ITSN1: variants seen among roughly 807,000 people sequenced by gnomAD.
ITSN1 encodes intersectin-1.
A neutral mutation model predicts 239.8 loss-of-function variants in ITSN1; 58 were observed. The observed-to-expected ratio is 0.24, with a 90% CI of 0.20 to 0.30. The LOEUF is 0.30. Ranked by LOEUF, ITSN1 falls within the 10% of genes least tolerant of loss-of-function variation. The probability of loss-of-function intolerance (pLI) is 1.00; values close to 1 mark genes in which losing one functional copy is unlikely to be tolerated. For synonymous variants in ITSN1, 780 were observed against 770.8 expected (o/e 1.01, Z -0.20); for missense variants, 1,558 against 2,103.3 (o/e 0.74, Z 5.07).
intron 8 of ITSN1, among the ~76,000 whole-genome samples, chr21:33,755,749 A>G (rs1382225765): frequency 6.6e-6 from 1 of 152,186 alleles, no homozygotes; most frequent in African/African-American, 2.4e-5. Context: ...CTGTCTGTTC[A>G]CTAGGTTAGA....
chr21:33,648,998 A>G (rs917675334), intron 1 of ITSN1, among the ~76,000 whole-genome samples: 11 of 152,242 alleles, frequency 7.2e-5, no homozygotes, highest in Admixed American at 6.5e-5. Context: ...GTTTTCCTAA[A>G]GTACCCCTGC....
intron 1 of ITSN1, among the ~76,000 whole-genome samples, chr21:33,659,705 C>CTTTTT (rs71194859): frequency 1.4e-4 from 11 of 76,592 alleles, no homozygotes; most frequent in Admixed American, 3.5e-4. Flanking sequence ...GCAGCCTGTA[C>CTTTTT]TTTTTTTTTT....
chr21:33,751,925 A>G lies in ITSN1; in HGVS notation c.623+19A>G, dbSNP rs201662047. On this transcript the variant is annotated intron_variant, in intron 7 of 39. Coordinates refer to ENST00000381318, the MANE Select transcript of ITSN1 (RefSeq NM_003024.3). ...TGGCCAGGTAAGTTTGCTTGTTTTT[A>G]AATGGGAAGTTTGGTTAAGGCCATT... is the stretch of plus-strand genomic sequence containing the variant. 2.5e-5 allele frequency: 38 copies of G among 1,548,254 alleles called. No homozygotes were observed. The East Asian group carries it at 8.1e-4, about 33-fold the overall frequency.
intron 39 of ITSN1, 96 bp downstream of exon 39, chr21:33,886,556 C>T: frequency 9.0e-7 from 1 of 1,116,576 alleles, no homozygotes; most frequent in Non-Finnish European, 1.3e-6. Flanking sequence ...GCCAGGATTC[C>T]TTCGGTTTCC....
chr21:33,773,819 A>G lies in ITSN1; in HGVS notation c.1306-910A>G, dbSNP rs576200279. Among the ~76,000 whole-genome samples, 134 of 152,084 alleles carry G rather than the reference A, an allele frequency of 8.8e-4. 2 individuals carry two copies. The South Asian group carries it at 0.027, about 31-fold the overall frequency. ...CTCAGCCTCCGGAGTAGCTGGGATT[A>G]CAGGCGTGAGCCACCATGCCTGGCT... On this transcript the variant is annotated intron_variant, in intron 12 of 39. Transcript: ENST00000381318.
intron 29 of ITSN1, among the ~76,000 whole-genome samples, chr21:33,845,120 A>G (rs2148442688): frequency 6.6e-6 from 1 of 152,150 alleles, no homozygotes; most frequent in East Asian, 1.9e-4. Context: ...TTTCAGGAGC[A>G]GGTGACAAGC....
Position 33,797,543 on chromosome 21 carries a change from G to T in ITSN1, c.2117G>T (p.Gly706Val). The change falls in exon 18 of 40, where the codon GGT becomes GTT. Residue 706 changes from glycine (G) to valine (V), a missense_variant. Gly to Val is a moderately radical substitution (Grantham distance 109). Around this residue, in one of 2 missense-constraint regions of ITSN1, gnomAD observed 982 missense variants for 1,209.9 expected, o/e 0.81. Coordinates refer to ENST00000381318, the MANE Select transcript of ITSN1 (RefSeq NM_003024.3). This position sits in a 1 kb window ranked among gnomAD's most constrained non-coding sequence, Gnocchi z 4.9. Reference protein sequence around the residue: ...KGKQEAQDKLGRLFHQHQEPA... With the variant: ...KGKQEAQDKLVRLFHQHQEPA... ...AAACAGGAAGCACAAGACAAGCTGG[G>T]TCGGCTTTTCCATCAACACCAAGAA... The T allele has an allele frequency of 6.2e-7, 1 of 1,614,080 alleles. No individual in the cohort carries two copies. The highest frequency in any genetic ancestry group is 8.5e-7 in the Non-Finnish European group (1 of 1,179,994).
intron 1 of ITSN1, among the ~76,000 whole-genome samples, chr21:33,657,172 C>G (rs2089163782): frequency 6.6e-6 from 1 of 152,228 alleles, no homozygotes; most frequent in African/African-American, 2.4e-5. Context: ...TTTTCAACCC[C>G]TGCCCCCGTT....
In ITSN1 at chr21:33,859,866, C is replaced by T. The variant is rs546057863; in HGVS notation, c.3890+1074C>T. On this transcript the variant is annotated intron_variant, in intron 31 of 39. Coordinates refer to ENST00000381318, the MANE Select transcript of ITSN1 (RefSeq NM_003024.3). ...AGGCTTTTAGAGAAGGTCTGGACTC[C>T]GTTGCCCGCGCCCCCTGCCACCCGA... 2.0e-4 allele frequency among the ~76,000 whole-genome samples: 31 copies of T among 152,250 alleles called. 1 individual carries two copies. In the South Asian group the frequency reaches 5.4e-3, roughly 26 times the overall value.
chr21:33,849,565 C>CAAAA (rs55906219), intron 29 of ITSN1, among the ~76,000 whole-genome samples: 2 of 85,730 alleles, frequency 2.3e-5, no homozygotes, highest in Admixed American at 1.2e-4. Context: ...GACTCTGTCT[C>CAAAA]AAAAAAAAAA....
chr21:33,722,481 T>C (rs1386581292), intron 3 of ITSN1, 107 bp from the exon 4 acceptor site: 2 of 1,355,132 alleles, frequency 1.5e-6, no homozygotes, highest in Non-Finnish European at 9.7e-7. Context: ...CTGGTATTTA[T>C]AGTATTACCA....
At chr21:33,722,252 G>A (rs1393620931) in intron 3 of ITSN1, among the ~76,000 whole-genome samples, 1 of 152,194 alleles carries the variant, frequency 6.6e-6, no homozygotes, top group Non-Finnish European at 1.5e-5. Flanking sequence ...TAAAGTGAAA[G>A]TATGGGTCAT....
intron 32 of ITSN1, among the ~76,000 whole-genome samples, chr21:33,866,888 G>A (rs1044048361): frequency 1.9e-4 from 29 of 150,638 alleles, no homozygotes; most frequent in African/African-American, 6.6e-4. Flanking sequence ...TTGTTCCTGG[G>A]AATGTTATAA....
chr21:33,873,925 C>A (rs187125855), intron 33 of ITSN1, among the ~76,000 whole-genome samples: 83 of 151,864 alleles, frequency 5.5e-4, no homozygotes, highest in African/African-American at 1.9e-3. Flanking sequence ...CTTTGGGAGG[C>A]CGAGGCAGGC....
intron 29 of ITSN1, among the ~76,000 whole-genome samples, chr21:33,854,750 G>C (rs1978994073): frequency 6.6e-6 from 1 of 152,246 alleles, no homozygotes; most frequent in South Asian, 2.1e-4. Context: ...ACCCGTGGCT[G>C]AGCAGAGGGC....
rs1343170661 is a variant in ITSN1 at position 33,865,322 on chromosome 21, G to A, written c.4062G>A (p.Lys1354=). ...AGACGGATGAGGCCCCAGACTTCAAGGAGTTCGTCAAAGTAAGGAGCCAGG... is the reference window on the plus strand; with the variant it reads ...AGACGGATGAGGCCCCAGACTTCAAAGAGTTCGTCAAAGTAAGGAGCCAGG... ...QQKTDEAPDF[K]EFVKRLAMDP... is the part of the protein sequence containing the mutation. The change falls in exon 32 of 40, where the codon AAG becomes AAA. Residue 1354 remains lysine, a synonymous_variant. Transcript: ENST00000381318. The surrounding 1 kb of genome is among the most constrained non-coding windows in gnomAD (Gnocchi z 4.4). 2 of 1,566,188 alleles carry A rather than the reference G, an allele frequency of 1.3e-6. No homozygotes were observed. Among genetic ancestry groups the A allele is most frequent in the Non-Finnish European group, 1.7e-6 (2 of 1,155,026 alleles).
intron 5 of ITSN1, among the ~76,000 whole-genome samples, chr21:33,742,614 G>A (rs1241391969): frequency 2.0e-5 from 3 of 152,184 alleles, no homozygotes; most frequent in Admixed American, 6.5e-5. Flanking sequence ...GAGATTTGGA[G>A]CAGTCCAGCC....
At chr21:33,695,926 T>A (rs2091774022) in intron 1 of ITSN1, among the ~76,000 whole-genome samples, 1 of 152,200 alleles carries the variant, frequency 6.6e-6, no homozygotes, top group Non-Finnish European at 1.5e-5. Context: ...TGAAGTGAGA[T>A]TAAATATTTG....
chr21:33,867,205 A>T, intron 32 of ITSN1, 28 bp from the exon 33 acceptor site: 2 of 1,424,914 alleles, frequency 1.4e-6, no homozygotes, highest in Non-Finnish European at 9.9e-7. Flanking sequence ...CAAGTTTCTT[A>T]AGTACATTTA....
Sources: allele counts gnomAD v4.1 joint callset (sites outside exome capture counted in the v4.1 genomes callset), GRCh38; gene constraint gnomAD v4.1.1; regional missense constraint gnomAD v4.1.1; non-coding constraint Gnocchi (gnomAD v3.1); transcripts MANE v1.5; gene names NCBI Gene and HGNC (gene_info 2026-07-23, HGNC 2026-07-21).